Variants in ANKS1B observed in about 807,000 individuals in gnomAD.
ANKS1B encodes ankyrin repeat and sterile alpha motif domain-containing protein 1B.
In ANKS1B, 36 loss-of-function variants were observed where a neutral mutation model predicts 148.3. The ratio of observed to expected loss-of-function variants is 0.24; its 90% CI spans 0.19 to 0.32. ANKS1B has a LOEUF of 0.32. Among genes scored for constraint, ANKS1B ranks in the 10% least tolerant of loss-of-function variants. The pLI is 1.00. For synonymous variants in ANKS1B, 542 were observed against 560.8 expected (o/e 0.97, Z 0.47); for missense variants, 1,157 against 1,542.6 (o/e 0.75, Z 4.19).
At chr12:99,392,660 C>T (rs75954626) in intron 12 of ANKS1B, among the ~76,000 whole-genome samples, 2 of 152,168 alleles carry the variant, frequency 1.3e-5, no homozygotes, top group African/African-American at 4.8e-5. Context: ...ATAGAGAACA[C>T]CTGTTATCAC....
chr12:99,288,745 A>C (rs1024491253), intron 12 of ANKS1B, among the ~76,000 whole-genome samples: 6 of 152,108 alleles, frequency 3.9e-5, no homozygotes, highest in African/African-American at 1.4e-4. Context: ...ATAACCTCAA[A>C]TCATAAAAAA....
In ANKS1B at chr12:99,321,397, G is replaced by A. The variant is rs889470118; in HGVS notation, c.1757-74533C>T. Among the ~76,000 whole-genome samples, 7 of 152,160 alleles carry A rather than the reference G, an allele frequency of 4.6e-5. No homozygotes were observed. In the East Asian group the frequency reaches 7.7e-4, roughly 17 times the overall value. On this transcript the variant is annotated intron_variant, in intron 12 of 26. Transcript: ENST00000683438. ...CACTTTGTTTACCTACTCAAGCCTC[G>A]GCAATGGCGGACGCCCCTCCCCCAG...
intron 15 of ANKS1B, among the ~76,000 whole-genome samples, chr12:99,103,400 CCTAT>C (rs1216416558): frequency 6.6e-6 from 1 of 152,146 alleles, no homozygotes; most frequent in Non-Finnish European, 1.5e-5. Context: ...CGACATCTCT[CCTAT>C]CTTGATTTAT....
chr12:99,022,085 G>A (rs746990943), intron 17 of ANKS1B, among the ~76,000 whole-genome samples: 37 of 152,160 alleles, frequency 2.4e-4, no homozygotes, highest in Non-Finnish European at 4.9e-4. Context: ...GGGAGAGACG[G>A]AGATGCTTAC....
chr12:99,385,240 G>A (rs990456742), intron 12 of ANKS1B, among the ~76,000 whole-genome samples: 3 of 152,176 alleles, frequency 2.0e-5, no homozygotes, highest in South Asian at 2.1e-4. Context: ...AGGCCGAGGC[G>A]GGTGGATCAT....
chr12:99,297,063 C>T (rs996284563), intron 12 of ANKS1B, among the ~76,000 whole-genome samples: 5 of 152,184 alleles, frequency 3.3e-5, no homozygotes. Flanking sequence ...ATAGGTCTCA[C>T]ATTAGAGTTA....
At chr12:99,923,357 A>G (rs531321515) in intron 1 of ANKS1B, among the ~76,000 whole-genome samples, 126 of 152,350 alleles carry the variant, frequency 8.3e-4, no homozygotes, top group Middle Eastern at 3.4e-3. Flanking sequence ...TCTGAGAACC[A>G]GGAAGAGTTT....
At chr12:99,274,281 T>C (rs181739567) in intron 12 of ANKS1B, among the ~76,000 whole-genome samples, 267 of 152,288 alleles carry the variant, frequency 1.8e-3, no homozygotes, top group African/African-American at 6.1e-3. Flanking sequence ...CCACTTTTTT[T>C]TTGTACAAAT....
intron 12 of ANKS1B, among the ~76,000 whole-genome samples, chr12:99,322,098 G>C (rs2152173769): frequency 6.6e-6 from 1 of 152,188 alleles, no homozygotes; most frequent in East Asian, 1.9e-4. Flanking sequence ...CTAAGTCATG[G>C]AACCAACCCA....
chr12:99,369,503 G>T (rs574471662), intron 12 of ANKS1B, among the ~76,000 whole-genome samples: 80 of 152,150 alleles, frequency 5.3e-4, no homozygotes, highest in African/African-American at 1.9e-3. Flanking sequence ...CAGCTGCAAG[G>T]TCATTTTGGG....
intron 19 of ANKS1B, among the ~76,000 whole-genome samples, chr12:98,813,643 A>G (rs1392826222): frequency 1.3e-5 from 2 of 151,400 alleles, no homozygotes; most frequent in Non-Finnish European, 2.9e-5. Context: ...CCTGGGTTCA[A>G]GTGATTCTCT....
At chr12:99,289,205 C>T (rs2079564031) in intron 12 of ANKS1B, among the ~76,000 whole-genome samples, 1 of 151,944 alleles carries the variant, frequency 6.6e-6, no homozygotes, top group East Asian at 1.9e-4. Context: ...GGTGTCAATT[C>T]AGTAAGAGAA....
At chr12:99,243,828 A>G (rs2089797136) in intron 14 of ANKS1B, among the ~76,000 whole-genome samples, 1 of 152,068 alleles carries the variant, frequency 6.6e-6, no homozygotes, top group Admixed American at 6.6e-5. Context: ...ATGAGAACAC[A>G]TGGACACAGG....
intron 24 of ANKS1B, among the ~76,000 whole-genome samples, chr12:98,777,547 C>A (rs754741482): frequency 6.6e-6 from 1 of 152,188 alleles, no homozygotes; most frequent in Non-Finnish European, 1.5e-5. Context: ...CAGTTGCAGT[C>A]CCCCAGGCCG....
intron 9 of ANKS1B, among the ~76,000 whole-genome samples, chr12:99,571,472 T>C (rs1296429396): frequency 6.6e-6 from 1 of 151,970 alleles, no homozygotes; most frequent in African/African-American, 2.4e-5. Context: ...TCAGTCTGTG[T>C]AGAGTGGTAC....
rs149771500 is a variant in ANKS1B at position 99,276,732 on chromosome 12, G to A, written c.1757-29868C>T. On this transcript the variant is annotated intron_variant, in intron 12 of 26. Transcript: ENST00000683438. ...AAGGATAATAAAACCTTCTTCTGAC[G>A]ATGGAATCAGACATTTAAAAAACAT... 5.0e-3 allele frequency among the ~76,000 whole-genome samples: 755 copies of A among 152,232 alleles called. 10 individuals are homozygous for A. The highest frequency in any genetic ancestry group is 0.017 in the African/African-American group (724 of 41,524).
chr12:99,369,792 G>GACA (rs773691960), intron 12 of ANKS1B, among the ~76,000 whole-genome samples: 13 of 68,502 alleles, frequency 1.9e-4, no homozygotes, highest in African/African-American at 4.6e-4. Context: ...ATAGATAGAT[G>GACA]GACGGACGGA....
At chr12:98,770,532 G>T (rs965674731) in intron 25 of ANKS1B, among the ~76,000 whole-genome samples, 1 of 152,080 alleles carries the variant, frequency 6.6e-6, no homozygotes, top group Non-Finnish European at 1.5e-5. Flanking sequence ...GAGCAGTCTC[G>T]CAGGGCTTTG....
intron 1 of ANKS1B, among the ~76,000 whole-genome samples, chr12:99,861,390 A>C (rs940633518): frequency 6.6e-6 from 1 of 152,234 alleles, no homozygotes; most frequent in Non-Finnish European, 1.5e-5. Context: ...TTTCTTTAAA[A>C]AGATATATCT....
Sources: gnomAD v4.1 joint callset for allele counts (sites outside exome capture counted in the v4.1 genomes callset) on GRCh38, gnomAD v4.1.1 for gene constraint, MANE v1.5 for transcripts, NCBI Gene and HGNC (gene_info 2026-07-23, HGNC 2026-07-21) for gene names.